Variants in ASAP2 observed in about 807,000 individuals in gnomAD.
ASAP2 encodes the protein ArfGAP with SH3 domain, ankyrin repeat and PH domain 2, also known as arf-GAP with SH3 domain, ANK repeat and PH domain-containing protein 2.
In ASAP2, 45 loss-of-function variants were observed where a neutral mutation model predicts 131.4. The ratio of observed to expected loss-of-function variants is 0.34; its 90% CI spans 0.27 to 0.44. The LOEUF (loss-of-function observed/expected upper bound fraction) is 0.44, where lower values mean the gene tolerates loss of function less well. Among genes scored for constraint, ASAP2 ranks in the 20% least tolerant of loss-of-function variants. The pLI is 1.00. For missense variants in ASAP2, 1,011 were observed against 1,297.0 expected (o/e 0.78, Z 3.39); for synonymous variants, 510 against 503.0 (o/e 1.01, Z -0.19).
rs148721906 is a variant in ASAP2 at position 9,358,303 on chromosome 2, G to A, written c.1328-453G>A. Among the ~76,000 whole-genome samples the A allele has an allele frequency of 6.9e-4, 105 of 152,314 alleles. No individual in the cohort carries two copies. The East Asian group carries it at 0.016, about 23-fold the overall frequency. ...ACAGCATATCTTATGTACATAGTACGTTCTCTGTTATTATCAGCATCTGTA... is the reference window on the plus strand; with the variant it reads ...ACAGCATATCTTATGTACATAGTACATTCTCTGTTATTATCAGCATCTGTA... On this transcript the variant is annotated intron_variant, in intron 14 of 27. Coordinates refer to ENST00000281419, the MANE Select transcript of ASAP2 (RefSeq NM_003887.3).
At chr2:9,212,645 G>T (rs1661658881) in intron 1 of ASAP2, among the ~76,000 whole-genome samples, 1 of 152,094 alleles carries the variant, frequency 6.6e-6, no homozygotes, top group South Asian at 2.1e-4. Context: ...GCCTTCCTTT[G>T]TGGAGCATAT....
intron 9 of ASAP2, among the ~76,000 whole-genome samples, chr2:9,336,226 A>C (rs568306946): frequency 6.6e-6 from 1 of 152,056 alleles, no homozygotes; most frequent in Admixed American, 6.6e-5. Flanking sequence ...GGAAGTGGAC[A>C]TTTTCTGGGT....
chr2:9,257,914 G>A (rs1665279770), intron 1 of ASAP2, among the ~76,000 whole-genome samples: 1 of 152,218 alleles, frequency 6.6e-6, no homozygotes, highest in South Asian at 2.1e-4. Context: ...ACCTTTGTGA[G>A]TGTTACTTTC....
chr2:9,214,555 T>A (rs1373139982), intron 1 of ASAP2, among the ~76,000 whole-genome samples: 1 of 151,822 alleles, frequency 6.6e-6, no homozygotes, highest in Non-Finnish European at 1.5e-5. Context: ...TCCAGGTGCT[T>A]TTATACCATT....
intron 7 of ASAP2, among the ~76,000 whole-genome samples, chr2:9,331,668 T>C (rs1318167627): frequency 6.6e-6 from 1 of 152,098 alleles, no homozygotes; most frequent in Non-Finnish European, 1.5e-5. Context: ...CTCGGGAGAC[T>C]GAGGCTGGAG....
chr2:9,299,583 A>C (rs758139127), intron 3 of ASAP2, among the ~76,000 whole-genome samples: 2 of 152,188 alleles, frequency 1.3e-5, no homozygotes, highest in African/African-American at 4.8e-5. Flanking sequence ...CAAGCAGTGG[A>C]AGGGAATTCC....
intron 12 of ASAP2, 37 bp downstream of exon 12, chr2:9,350,932 T>C: frequency 6.6e-7 from 1 of 1,520,010 alleles, no homozygotes; most frequent in African/African-American, 1.4e-5. Flanking sequence ...CATAGAGACG[T>C]TGTCTTATGC....
In ASAP2 at chr2:9,358,038, T is replaced by C. The variant is rs558318417; in HGVS notation, c.1328-718T>C. Reference sequence around the variant, plus strand: ...ATGTATGGTAGGTCATGTTAGTGAGTAGCCGAGCTGTGAGGGGAAAACGTG... The same window carrying C: ...ATGTATGGTAGGTCATGTTAGTGAGCAGCCGAGCTGTGAGGGGAAAACGTG... On this transcript the variant is annotated intron_variant, in intron 14 of 27. Transcript: ENST00000281419. Among the ~76,000 whole-genome samples, 6 of 152,298 alleles carry C rather than the reference T, an allele frequency of 3.9e-5. No homozygotes were observed. The East Asian group carries it at 1.2e-3, about 29-fold the overall frequency.
chr2:9,213,300 G>A (rs566977960), intron 1 of ASAP2, among the ~76,000 whole-genome samples: 46 of 152,328 alleles, frequency 3.0e-4, no homozygotes, highest in African/African-American at 1.0e-3. Flanking sequence ...TGGAAGGACT[G>A]AAGGAAGGTC....
chr2:9,389,809 T>C lies in ASAP2; in HGVS notation c.2384-1253T>C, dbSNP rs1232257968. On this transcript the variant is annotated intron_variant, in intron 22 of 27. Coordinates refer to ENST00000281419, the MANE Select transcript of ASAP2 (RefSeq NM_003887.3). The surrounding 1 kb of genome is among the most constrained non-coding windows in gnomAD (Gnocchi z 4.7). ...ATCCCTGGCTTGATGAGGACGTCCC[T>C]GAGCACAGAAGGCAGCTACAAGATG... 6.6e-6 allele frequency among the ~76,000 whole-genome samples: 1 copy of C among 152,144 alleles called. No homozygotes were observed. Among genetic ancestry groups the C allele is most frequent in the Non-Finnish European group, 1.5e-5 (1 of 68,028 alleles).
At chr2:9,249,820 G>C (rs1664584213) in intron 1 of ASAP2, among the ~76,000 whole-genome samples, 2 of 151,782 alleles carry the variant, frequency 1.3e-5, no homozygotes, top group African/African-American at 2.4e-5. Flanking sequence ...TGACCGAGGG[G>C]CATGATTAGA....
chr2:9,223,037 T>C (rs995312482), intron 1 of ASAP2, among the ~76,000 whole-genome samples: 9 of 152,230 alleles, frequency 5.9e-5, no homozygotes, highest in Non-Finnish European at 1.2e-4. Flanking sequence ...AGAGTCCCAC[T>C]TTAATTTGGG....
intron 3 of ASAP2, among the ~76,000 whole-genome samples, chr2:9,316,061 G>C (rs1489899103): frequency 5.3e-5 from 8 of 152,092 alleles, no homozygotes; most frequent in Non-Finnish European, 1.0e-4. Context: ...GCTCATGCCT[G>C]TAATCCCAGC....
In ASAP2 at chr2:9,392,251, T is replaced by C. The variant is rs1346690818; in HGVS notation, c.2518+1055T>C. 6.6e-6 allele frequency among the ~76,000 whole-genome samples: 1 copy of C among 152,184 alleles called. No individual in the cohort carries two copies. The highest frequency in any genetic ancestry group is 2.4e-5 in the African/African-American group (1 of 41,450). On this transcript the variant is annotated intron_variant, in intron 23 of 27. Transcript: ENST00000281419. This position sits in a 1 kb window ranked among gnomAD's most constrained non-coding sequence, Gnocchi z 4.0. The stretch of plus-strand genomic sequence containing the variant: ...TTTTTAGGAAGAAGTTTTTCTCCAG[T>C]GTACAGAACTAAAGTCTTTTTTCAC...
At position 9,363,688 on chromosome 2, in the gene ASAP2, A is replaced by G. The variant is rs951528235; in HGVS notation, c.1462-4737A>G. Among the ~76,000 whole-genome samples, 27 of 152,050 alleles carry G rather than the reference A, an allele frequency of 1.8e-4. 2 individuals carry two copies. Among genetic ancestry groups the G allele is most frequent in the Admixed American group, 9.8e-4 (15 of 15,266 alleles). On this transcript the variant is annotated intron_variant, in intron 15 of 27. Coordinates refer to ENST00000281419, the MANE Select transcript of ASAP2 (RefSeq NM_003887.3). ...AGCCTCTACCTCCCAGGCTCATGCA[A>G]TCCTTCTGGGTAGCTGGGACTATAG...
At chr2:9,305,210 A>G (rs985744412) in intron 3 of ASAP2, among the ~76,000 whole-genome samples, 20 of 148,874 alleles carry the variant, frequency 1.3e-4, no homozygotes, top group African/African-American at 4.8e-4. Context: ...GTAGTGAGGT[A>G]TAGATATTGG....
intron 21 of ASAP2, among the ~76,000 whole-genome samples, chr2:9,387,241 A>AG (rs1675357053): frequency 6.8e-6 from 1 of 146,490 alleles, no homozygotes; most frequent in African/African-American, 2.7e-5. Context: ...TATAACCTTC[A>AG]GGGGGGAGCA....
intron 14 of ASAP2, 21 bp downstream of exon 14, chr2:9,356,366 G>C: frequency 6.4e-7 from 1 of 1,555,496 alleles, no homozygotes; most frequent in Non-Finnish European, 8.7e-7. Context: ...GACCCCACCC[G>C]ACCCTGGGCT....
Position 9,207,188 on chromosome 2 carries a change from C to G in ASAP2, c.84C>G (p.Thr28=), listed in dbSNP as rs1291539907. Residue 28 remains threonine (T), a synonymous_variant, in exon 1 of 28, where the codon ACC becomes ACG. Transcript: ENST00000281419. The surrounding 1 kb of genome is among the most constrained non-coding windows in gnomAD (Gnocchi z 4.1). The stretch of plus-strand genomic sequence containing the variant: ...CGCCCACGGCCTCCAGCTTCACCAC[C>G]CGCACGGCGCAGTGCCGGAACACTG... ...YKAPTASSFT[T]RTAQCRNTVA... 1 of 1,603,776 alleles carries G rather than the reference C, an allele frequency of 6.2e-7. No individual in the cohort carries two copies. The highest frequency in any genetic ancestry group is 2.3e-5 in the East Asian group (1 of 44,350).
Sources: allele counts gnomAD v4.1 joint callset (sites outside exome capture counted in the v4.1 genomes callset), GRCh38; gene constraint gnomAD v4.1.1; non-coding constraint Gnocchi (gnomAD v3.1); transcripts MANE v1.5; gene names NCBI Gene and HGNC (gene_info 2026-07-23, HGNC 2026-07-21).